ERICH1: variants seen among roughly 807,000 people sequenced by gnomAD.
The protein encoded by ERICH1 is glutamate rich 1.
Under a neutral mutation model 39.6 loss-of-function variants are expected in ERICH1, and 56 were observed. That is an observed-to-expected ratio of 1.41 (90% CI 1.14 to 1.77). The LOEUF (loss-of-function observed/expected upper bound fraction) is 1.77. Among genes scored for constraint, ERICH1 ranks in the 40% most tolerant of loss-of-function variants. The pLI is 0.00. For synonymous variants in ERICH1, 313 were observed against 223.6 expected (o/e 1.40, Z -3.57); for missense variants, 826 against 575.4 (o/e 1.44, Z -4.45).
intron 3 of ERICH1, among the ~76,000 whole-genome samples, chr8:630,443 C>G (rs1367040124): frequency 7.3e-6 from 1 of 136,624 alleles, no homozygotes; most frequent in African/African-American, 2.8e-5. Context: ...AGAGATGACT[C>G]ACACCCTCCC....
Position 664,459 on chromosome 8 carries a change from T to C in ERICH1, c.*144A>G. On this transcript the variant is annotated 3_prime_UTR_variant, in exon 6 of 6. Coordinates refer to ENST00000262109, the MANE Select transcript of ERICH1 (RefSeq NM_207332.3). ...CTCATCTGAAGCCTCAGATGGCATC[T>C]TGCCCACCAGGAACAAACACGTGAA... 3 of 1,276,128 alleles carry C rather than the reference T, an allele frequency of 2.4e-6. No homozygotes were observed. The highest frequency in any genetic ancestry group is 2.8e-5 in the East Asian group (1 of 35,678). 79.1% of individuals were successfully genotyped at this position (1,276,128 alleles called of 1,614,324 possible). A position where few individuals can be genotyped will look rare whatever the true frequency, so the allele number is the denominator to read the frequency against.
chr8:699,387 A>C (rs967155933), intron 2 of ERICH1, among the ~76,000 whole-genome samples: 2 of 152,096 alleles, frequency 1.3e-5, no homozygotes, highest in African/African-American at 4.8e-5. Flanking sequence ...ACGACATTTC[A>C]AGTAATTAGA....
chr8:711,970 T>A (rs1338286338), intron 2 of ERICH1, among the ~76,000 whole-genome samples: 1 of 152,234 alleles, frequency 6.6e-6, no homozygotes, highest in Admixed American at 6.5e-5. Flanking sequence ...TGGGTCTATT[T>A]CTGTACTCTC....
At chr8:620,859 A>C (rs1797237962) in intron 3 of ERICH1, among the ~76,000 whole-genome samples, 2 of 152,150 alleles carry the variant, frequency 1.3e-5, no homozygotes, top group Non-Finnish European at 2.9e-5. Flanking sequence ...CCCACTTTTA[A>C]TTATTTATAG....
At position 700,349 on chromosome 8, in the gene ERICH1, G is replaced by A. The variant is rs149431259; in HGVS notation, c.170-7737C>T. On this transcript the variant is annotated intron_variant, in intron 2 of 5. Coordinates refer to ENST00000262109, the MANE Select transcript of ERICH1 (RefSeq NM_207332.3). ...CAGGCCCGCACACGCGCACAGATCCGCACACGCGCACAGGCCCGCACAGGC... is the reference window on the plus strand; with the variant it reads ...CAGGCCCGCACACGCGCACAGATCCACACACGCGCACAGGCCCGCACAGGC... Among the ~76,000 whole-genome samples, 494 of 74,686 alleles carry A rather than the reference G, an allele frequency of 6.6e-3. 39 individuals carry two copies. The highest frequency in any genetic ancestry group is 9.0e-3 in the Admixed American group (56 of 6,246). 49.0% of individuals were successfully genotyped at this position (74,686 alleles called of 152,430 possible).
At chr8:652,343 C>G (rs544970376) in intron 3 of ERICH1, among the ~76,000 whole-genome samples, 3 of 152,306 alleles carry the variant, frequency 2.0e-5, no homozygotes, top group Admixed American at 2.0e-4. Context: ...AAGCAGTGGA[C>G]AGAGATAAAT....
intron 3 of ERICH1, among the ~76,000 whole-genome samples, chr8:633,071 G>A (rs1028409672): frequency 6.6e-6 from 1 of 152,168 alleles, no homozygotes; most frequent in Admixed American, 6.5e-5. Flanking sequence ...GGGCCCGCGC[G>A]GGGCCGCCCA....
chr8:728,844 CAG>C (rs964082251), intron 1 of ERICH1, among the ~76,000 whole-genome samples: 1 of 152,170 alleles, frequency 6.6e-6, no homozygotes, highest in African/African-American at 2.4e-5. Context: ...ATTAATCCTG[CAG>C]AGTTTTGCTA....
intron 3 of ERICH1, 79 bp from the exon 4 acceptor site, chr8:674,126 T>C (rs1804112092): frequency 1.4e-6 from 2 of 1,445,550 alleles, no homozygotes. Context: ...AAATTTTCCA[T>C]CAGGATCTTG....
chr8:725,407 G>T (rs1224460633), intron 1 of ERICH1: 1 of 153,050 alleles, frequency 6.5e-6, no homozygotes, highest in Non-Finnish European at 1.5e-5. Flanking sequence ...AGCCACCTGA[G>T]CATTAGTAGA....
chr8:690,614 G>A (rs529007058), intron 3 of ERICH1, among the ~76,000 whole-genome samples: 1 of 152,228 alleles, frequency 6.6e-6, no homozygotes, highest in East Asian at 1.9e-4. Flanking sequence ...TAAGCACCAG[G>A]TATGCCACCC....
intron 4 of ERICH1, 183 bp from the exon 5 acceptor site, chr8:668,975 T>A (rs1222411266): frequency 1.6e-6 from 1 of 615,998 alleles, no homozygotes; most frequent in Non-Finnish European, 2.8e-6. Context: ...TACCACTGCA[T>A]GAACGACTGT....
At chr8:710,451 G>A (rs895810855) in intron 2 of ERICH1, among the ~76,000 whole-genome samples, 2 of 149,310 alleles carry the variant, frequency 1.3e-5, no homozygotes, top group South Asian at 4.2e-4. Context: ...TCACTGTCCT[G>A]CAAGTCCTCT....
intron 2 of ERICH1, among the ~76,000 whole-genome samples, chr8:700,077 A>G (rs1337842737): frequency 1.5e-5 from 2 of 131,414 alleles, no homozygotes; most frequent in Non-Finnish European, 3.2e-5. Context: ...TCACAGGCGC[A>G]CAGACCCGCA....
At chr8:655,348 C>A (rs112496502) in intron 3 of ERICH1, among the ~76,000 whole-genome samples, 1 of 152,202 alleles carries the variant, frequency 6.6e-6, no homozygotes, top group Admixed American at 6.5e-5. Flanking sequence ...AGTAATTAAG[C>A]CTGCAGAGAG....
At chr8:729,954 A>G (rs1348455437) in intron 1 of ERICH1, among the ~76,000 whole-genome samples, 1 of 152,160 alleles carries the variant, frequency 6.6e-6, no homozygotes, top group East Asian at 1.9e-4. Flanking sequence ...TAAAACAAGG[A>G]GAAAACCTGC....
At chr8:649,932 T>C (rs1799731718) in intron 3 of ERICH1, among the ~76,000 whole-genome samples, 3 of 152,054 alleles carry the variant, frequency 2.0e-5, no homozygotes, top group African/African-American at 7.2e-5. Flanking sequence ...TGGGGAAGCG[T>C]GTGCTGGCGT....
chr8:721,542 C>CT (rs1817312225), intron 1 of ERICH1, among the ~76,000 whole-genome samples: 1 of 152,246 alleles, frequency 6.6e-6, no homozygotes, highest in Admixed American at 6.5e-5. Flanking sequence ...AGTGCTCACA[C>CT]TGTTTATTTA....
At chr8:713,426 A>G (rs1217145607) in intron 2 of ERICH1, among the ~76,000 whole-genome samples, 4 of 152,240 alleles carry the variant, frequency 2.6e-5, no homozygotes, top group Non-Finnish European at 4.4e-5. Context: ...ACATTAAGCC[A>G]TATGGGAAAA....
Sources: allele counts gnomAD v4.1 joint callset (sites outside exome capture counted in the v4.1 genomes callset), GRCh38; gene constraint gnomAD v4.1.1; transcripts MANE v1.5; gene names NCBI Gene and HGNC (gene_info 2026-07-23, HGNC 2026-07-21).